Variants in KLHL24 observed in about 807,000 individuals in gnomAD.
KLHL24 encodes kelch like family member 24.
KLHL24 carries 29 observed loss-of-function variants against 53.4 expected under a neutral mutation model. The observed-to-expected ratio is 0.54, with a 90% confidence interval of 0.40 to 0.74. KLHL24 has a LOEUF of 0.74. KLHL24 is among the 30% of genes least tolerant of loss of function. The pLI is 0.00. For synonymous variants in KLHL24, 222 were observed against 253.7 expected (o/e 0.88, Z 1.19); for missense variants, 504 against 744.0 (o/e 0.68, Z 3.75).
At chr3:183,662,355 C>T (rs1483724438) in intron 3 of KLHL24, among the ~76,000 whole-genome samples, 2 of 152,056 alleles carry the variant, frequency 1.3e-5, no homozygotes, top group African/African-American at 2.4e-5. Flanking sequence ...TGTAACAGCA[C>T]ACTGACTAAA....
At chr3:183,655,703 T>C (rs1718754672) in intron 3 of KLHL24, among the ~76,000 whole-genome samples, 2 of 152,032 alleles carry the variant, frequency 1.3e-5, no homozygotes, top group South Asian at 4.2e-4. Flanking sequence ...GGCGGGCAGA[T>C]CACTAAGTCA....
intron 3 of KLHL24, among the ~76,000 whole-genome samples, chr3:183,653,566 G>C (rs1185132523): frequency 1.3e-5 from 2 of 152,212 alleles, no homozygotes; most frequent in Non-Finnish European, 2.9e-5. Context: ...TACTGTGACA[G>C]GTTTTTGCAA....
chr3:183,675,231 G>A (rs1287290995), intron 7 of KLHL24, among the ~76,000 whole-genome samples: 1 of 152,102 alleles, frequency 6.6e-6, no homozygotes, highest in African/African-American at 2.4e-5. Context: ...ATACATTAGA[G>A]ATACAGCATA....
intron 5 of KLHL24, among the ~76,000 whole-genome samples, chr3:183,668,423 C>A (rs1197331662): frequency 6.6e-6 from 1 of 152,168 alleles, no homozygotes; most frequent in Non-Finnish European, 1.5e-5. Context: ...CTACCTTACA[C>A]AGCAAGTACT....
chr3:183,649,332 G>A (rs569855608), intron 2 of KLHL24, among the ~76,000 whole-genome samples: 39 of 152,102 alleles, frequency 2.6e-4, no homozygotes, highest in African/African-American at 7.0e-4. Flanking sequence ...TCCCCATGTC[G>A]TTAAATAGTC....
chr3:183,639,493 A>T (rs968323614), intron 1 of KLHL24, among the ~76,000 whole-genome samples: 2 of 150,658 alleles, frequency 1.3e-5, no homozygotes, highest in African/African-American at 4.9e-5. Flanking sequence ...AGCCGGGCGT[A>T]GCGGCGGGCG....
At position 183,680,844 on chromosome 3, in the gene KLHL24, T is replaced by C. The variant is rs1214620648; in HGVS notation, c.*1558T>C. 6.6e-6 allele frequency: 1 copy of C among 152,220 alleles called. No individual in the cohort carries two copies. The highest frequency in any genetic ancestry group is 1.5e-5 in the Non-Finnish European group (1 of 68,026). 9.4% of individuals were successfully genotyped at this position (152,220 alleles called of 1,614,324 possible). The stretch of plus-strand genomic sequence containing the variant: ...GTTGTCTTTCACATTATAATTTGTA[T>C]ATTTCTTGTGATAGAAGGGATGATG... On this transcript the variant is annotated 3_prime_UTR_variant, in exon 8 of 8. Transcript: ENST00000242810.
chr3:183,656,921 C>CA lies in KLHL24; in HGVS notation c.920+5655dup, dbSNP rs36005657. Among the ~76,000 whole-genome samples, 153 of 146,626 alleles carry CA rather than the reference C, an allele frequency of 1.0e-3. 6 individuals carry two copies. In the South Asian group the frequency reaches 0.016, roughly 15 times the overall value. ...CAGAAAAAGGAAAAAAAAAAAAAGA[C>CA]AAAAAAAAAATAAGCGTAACAATCT... On this transcript the variant is annotated intron_variant, in intron 3 of 7. Coordinates refer to ENST00000242810, the MANE Select transcript of KLHL24 (RefSeq NM_017644.3).
At chr3:183,662,400 T>C (rs959152780) in intron 3 of KLHL24, among the ~76,000 whole-genome samples, 6 of 133,258 alleles carry the variant, frequency 4.5e-5, no homozygotes, top group African/African-American at 1.3e-4. Flanking sequence ...GGTTTTTTTT[T>C]CCCCTCTATA....
chr3:183,663,016 C>T lies in KLHL24; in HGVS notation c.921-442C>T, dbSNP rs1435891575. 2.0e-5 allele frequency among the ~76,000 whole-genome samples: 3 copies of T among 152,110 alleles called. No individual in the cohort carries two copies. The highest frequency in any genetic ancestry group is 4.4e-5 in the Non-Finnish European group (3 of 68,012). Reference sequence around the variant, plus strand: ...TCCTTTAAAGGGTGCTTGGATTATACTATGAATTAGTTTTTTAGAACTAGC... The same window carrying T: ...TCCTTTAAAGGGTGCTTGGATTATATTATGAATTAGTTTTTTAGAACTAGC... On this transcript the variant is annotated intron_variant, in intron 3 of 7. Transcript: ENST00000242810. The surrounding 1 kb of genome is among the most constrained non-coding windows in gnomAD (Gnocchi z 4.9).
chr3:183,664,500 A>T (rs1391664780), intron 4 of KLHL24, among the ~76,000 whole-genome samples: 3 of 152,152 alleles, frequency 2.0e-5, no homozygotes, highest in Admixed American at 6.5e-5. Context: ...AGATTATTAT[A>T]TATATTATCC....
chr3:183,659,461 C>T (rs1032334484), intron 3 of KLHL24, among the ~76,000 whole-genome samples: 2 of 152,148 alleles, frequency 1.3e-5, no homozygotes, highest in Admixed American at 1.3e-4. Context: ...GGCTTGAACC[C>T]GGGAAGAGGC....
rs1560190799 is a variant in KLHL24 at position 183,678,974 on chromosome 3, A to G, written c.1603-112A>G. The G allele has an allele frequency of 3.8e-5, 31 of 809,770 alleles. No homozygotes were observed. The South Asian group carries it at 5.3e-4, about 14-fold the overall frequency. 50.2% of individuals were successfully genotyped at this position (809,770 alleles called of 1,614,324 possible). On this transcript the variant is annotated intron_variant, in intron 7 of 7. Transcript: ENST00000242810. ...GTTGGGCCAAAGGACCTTAGCTTTT[A>G]TCATGTCTCCCTTTTTTTTGACTGT...
In KLHL24 at chr3:183,656,475, A is replaced by C. The variant is rs373639308; in HGVS notation, c.920+5199A>C. On this transcript the variant is annotated intron_variant, in intron 3 of 7. Transcript: ENST00000242810. Reference sequence around the variant, plus strand: ...TTTGAGGTAGAAAAAGTTCATATTAATACTTAGATGCATGTTTGGGCTCAG... The same window carrying C: ...TTTGAGGTAGAAAAAGTTCATATTACTACTTAGATGCATGTTTGGGCTCAG... Among the ~76,000 whole-genome samples the C allele has an allele frequency of 1.2e-4, 19 of 152,336 alleles. 1 individual carries two copies. Among genetic ancestry groups the C allele is most frequent in the Admixed American group, 4.6e-4 (7 of 15,302 alleles).
intron 7 of KLHL24, 36 bp downstream of exon 7, chr3:183,672,520 C>CT: frequency 1.4e-6 from 2 of 1,392,084 alleles, no homozygotes; most frequent in Non-Finnish European, 9.9e-7. Flanking sequence ...AAAAATAAAT[C>CT]TAAGAGGGAC....
chr3:183,668,789 C>T lies in KLHL24; in HGVS notation c.1225-2245C>T, dbSNP rs543197816. On this transcript the variant is annotated intron_variant, in intron 5 of 7. Transcript: ENST00000242810. The stretch of plus-strand genomic sequence containing the variant: ...GCATAGTGGCGGACACCTGTAATCC[C>T]GGCTACTTGGGAGGCTGAGGCAGGA... Among the ~76,000 whole-genome samples the T allele has an allele frequency of 6.6e-5, 10 of 152,164 alleles. No homozygotes were observed. The South Asian group carries it at 8.3e-4, about 13-fold the overall frequency.
chr3:183,670,902 A>T (rs947861293), intron 5 of KLHL24, 132 bp from the exon 6 acceptor site: 88 of 639,996 alleles, frequency 1.4e-4, no homozygotes, highest in Admixed American at 1.2e-4. Context: ...AGAAACTCTG[A>T]GCTAAATATA....
intron 7 of KLHL24, among the ~76,000 whole-genome samples, chr3:183,675,030 T>C (rs1711589321): frequency 6.6e-6 from 1 of 152,222 alleles, no homozygotes; most frequent in African/African-American, 2.4e-5. Context: ...ATGGCAATTG[T>C]ATATTCCCTT....
intron 7 of KLHL24, among the ~76,000 whole-genome samples, chr3:183,675,886 T>G (rs1711760973): frequency 6.6e-6 from 1 of 152,210 alleles, no homozygotes; most frequent in African/African-American, 2.4e-5. Context: ...TGTAGCATAT[T>G]GCAGGGCATA....
Sources: gnomAD v4.1 joint callset for allele counts (sites outside exome capture counted in the v4.1 genomes callset) on GRCh38, gnomAD v4.1.1 for gene constraint, Gnocchi (gnomAD v3.1) non-coding constraint, MANE v1.5 for transcripts, NCBI Gene and HGNC (gene_info 2026-07-23, HGNC 2026-07-21) for gene names.